The following MYO10 variants were observed in gnomAD, a reference collection of about 807,000 sequenced individuals.
MYO10 encodes the protein unconventional myosin-X.
A neutral mutation model predicts 257.3 loss-of-function variants in MYO10; 133 were observed. That is an observed-to-expected ratio of 0.52 (90% confidence interval 0.45 to 0.60). The LOEUF is 0.60. MYO10 is among the 20% of genes least tolerant of loss of function. The pLI, the probability that MYO10 is intolerant of heterozygous loss-of-function variation, is 0.00. For synonymous variants in MYO10, 1,104 were observed against 1,028.6 expected (o/e 1.07, Z -1.40); for missense variants, 2,399 against 2,635.7 (o/e 0.91, Z 1.97).
At position 16,721,751 on chromosome 5, in the gene MYO10, C is replaced by T. The variant is rs567057101; in HGVS notation, c.1930-10506G>A. Among the ~76,000 whole-genome samples, 6 of 152,234 alleles carry T rather than the reference C, an allele frequency of 3.9e-5. No individual in the cohort carries two copies. In the East Asian group the frequency reaches 5.8e-4, roughly 15 times the overall value. ...ACTCACACTCTGTTACAGCTGCAGG[C>T]GCTTACCTCGGACCCACACAAACCT... On this transcript the variant is annotated intron_variant, in intron 19 of 40. Transcript: ENST00000513610.
chr5:16,929,085 T>TG (rs1746222885), intron 1 of MYO10, among the ~76,000 whole-genome samples: 1 of 151,286 alleles, frequency 6.6e-6, no homozygotes, highest in South Asian at 2.1e-4. Context: ...CCCGAGTAGC[T>TG]GGGACTACAG....
intron 3 of MYO10, chr5:16,814,912 T>C (rs955977264): frequency 3.3e-5 from 5 of 152,306 alleles, no homozygotes; most frequent in Non-Finnish European, 7.3e-5. Context: ...TTAACATTAT[T>C]ATCATGAAAA....
chr5:16,747,524 T>TG (rs1333865513), intron 19 of MYO10, among the ~76,000 whole-genome samples: 6 of 152,204 alleles, frequency 3.9e-5, no homozygotes, highest in African/African-American at 1.4e-4. Context: ...GAGCTGCACT[T>TG]GGTCTTCTAT....
intron 26 of MYO10, among the ~76,000 whole-genome samples, chr5:16,695,317 G>A (rs1022870786): frequency 3.3e-5 from 5 of 152,220 alleles, no homozygotes; most frequent in Non-Finnish European, 7.3e-5. Flanking sequence ...CTGGGTGACA[G>A]AGTGAGACTC....
chr5:16,771,735 A>G (rs2126659794), intron 9 of MYO10, among the ~76,000 whole-genome samples: 1 of 151,746 alleles, frequency 6.6e-6, no homozygotes, highest in South Asian at 2.1e-4. Flanking sequence ...GCACACCAAC[A>G]CACCTGGCTA....
intron 39 of MYO10, among the ~76,000 whole-genome samples, chr5:16,670,062 TAAAAC>T (rs150801308): frequency 0.014 from 2,125 of 152,296 alleles, 49 homozygotes; most frequent in African/African-American, 0.047. Context: ...GCGGTCTACT[TAAAAC>T]AAAACAAAAA....
rs774164093 is a variant in MYO10, at chr5:16,670,868, G to A, written c.5541C>T (p.Ala1847=). The A allele has an allele frequency of 6.2e-7, 1 of 1,613,866 alleles. No homozygotes were observed. The highest frequency in any genetic ancestry group is 1.3e-5 in the African/African-American group (1 of 74,916). ...YLQGDYTLHA[A]IPPLEEVYSL... ...AATAAACCTCTTCGAGAGGTGGGATGGCAGCGTGCAGAGTATAATCCCCCT... is the reference window on the plus strand; with the variant it reads ...AATAAACCTCTTCGAGAGGTGGGATAGCAGCGTGCAGAGTATAATCCCCCT... The change falls in exon 39 of 41, where the codon GCC becomes GCT. Residue 1847 remains alanine (A), a synonymous_variant. Coordinates refer to ENST00000513610, the MANE Select transcript of MYO10 (RefSeq NM_012334.3).
intron 2 of MYO10, among the ~76,000 whole-genome samples, chr5:16,847,020 C>A (rs1225472411): frequency 6.6e-6 from 1 of 151,846 alleles, no homozygotes; most frequent in South Asian, 2.1e-4. Context: ...CGGGAGGTTA[C>A]GGCACAAGAA....
intron 2 of MYO10, among the ~76,000 whole-genome samples, chr5:16,874,305 G>C (rs930906756): frequency 1.6e-5 from 2 of 124,042 alleles, no homozygotes; most frequent in African/African-American, 6.0e-5. Flanking sequence ...CTGCACTCCA[G>C]CCTGGGCGAC....
At chr5:16,928,959 T>TG (rs1746218148) in intron 1 of MYO10, among the ~76,000 whole-genome samples, 2 of 151,546 alleles carry the variant, frequency 1.3e-5, no homozygotes, top group Admixed American at 1.3e-4. Context: ...GTTTTTTTTT[T>TG]GGTTTTTTTT....
chr5:16,745,305 G>T (rs969383056), intron 19 of MYO10, among the ~76,000 whole-genome samples: 3 of 152,156 alleles, frequency 2.0e-5, no homozygotes, highest in African/African-American at 7.2e-5. Context: ...TCGTGCCACT[G>T]CACTCCAGCC....
chr5:16,809,968 C>T (rs1010723636), intron 3 of MYO10, among the ~76,000 whole-genome samples: 1 of 152,072 alleles, frequency 6.6e-6, no homozygotes, highest in Non-Finnish European at 1.5e-5. Context: ...GTCTCCTCTG[C>T]GCAACTGACC....
intron 19 of MYO10, among the ~76,000 whole-genome samples, chr5:16,747,318 C>A (rs1238886398): frequency 6.6e-6 from 1 of 152,048 alleles, no homozygotes; most frequent in African/African-American, 2.4e-5. Context: ...AAAAGCATGC[C>A]AAAAATAAAA....
At chr5:16,673,149 T>C (rs1736549490) in intron 36 of MYO10, among the ~76,000 whole-genome samples, 1 of 149,272 alleles carries the variant, frequency 6.7e-6, no homozygotes, top group African/African-American at 2.5e-5. Context: ...TTTTGGCTGA[T>C]AAATTTATGA....
chr5:16,670,402 G>C, intron 39 of MYO10, 124 bp downstream of exon 39: 1 of 812,224 alleles, frequency 1.2e-6, no homozygotes, highest in Non-Finnish European at 1.9e-6. Flanking sequence ...CTGGGGGCTC[G>C]AATAAAAGAG....
chr5:16,802,389 T>C (rs2126688768), intron 3 of MYO10, among the ~76,000 whole-genome samples: 1 of 152,200 alleles, frequency 6.6e-6, no homozygotes. Context: ...CCGGGTGCAG[T>C]GGCTCATGCC....
chr5:16,870,948 T>C (rs139897085), intron 2 of MYO10, among the ~76,000 whole-genome samples: 326 of 152,274 alleles, frequency 2.1e-3, no homozygotes, highest in African/African-American at 7.4e-3. Flanking sequence ...CAAATTGTCA[T>C]TTGACAATTT....
chr5:16,699,775 A>G (rs553703842), intron 25 of MYO10: 76 of 254,528 alleles, frequency 3.0e-4, no homozygotes, highest in African/African-American at 1.7e-3. Context: ...CAACAGAGCA[A>G]GCCTCAGTCT....
At chr5:16,683,044 G>A (rs1367417460) in intron 30 of MYO10, among the ~76,000 whole-genome samples, 1 of 152,170 alleles carries the variant, frequency 6.6e-6, no homozygotes, top group Non-Finnish European at 1.5e-5. Flanking sequence ...TCCTGAGCCA[G>A]TTATAAGGGG....
Sources: allele counts gnomAD v4.1 joint callset (sites outside exome capture counted in the v4.1 genomes callset), GRCh38; gene constraint gnomAD v4.1.1; transcripts MANE v1.5; gene names NCBI Gene and HGNC (gene_info 2026-07-23, HGNC 2026-07-21).